RGS6: variants seen among roughly 807,000 people sequenced by gnomAD.
RGS6 encodes regulator of G-protein signaling 6.
A neutral mutation model predicts 78.5 loss-of-function variants in RGS6; 30 were observed. That is an observed-to-expected ratio of 0.38 (90% CI 0.29 to 0.52). The LOEUF (loss-of-function observed/expected upper bound fraction) is 0.52. Among genes scored for constraint, RGS6 ranks in the 20% least tolerant of loss-of-function variants. RGS6 has a pLI of 0.85. For synonymous variants in RGS6, 206 were observed against 206.0 expected, an observed-to-expected ratio of 1.00 and a Z score of 0.00; for missense variants, 495 against 609.7, an observed-to-expected ratio of 0.81 and a Z score of 1.98.
intron 17 of RGS6, among the ~76,000 whole-genome samples, chr14:72,544,889 G>A (rs556763609): frequency 2.8e-4 from 43 of 152,350 alleles, no homozygotes; most frequent in Middle Eastern, 3.4e-3. Context: ...GGTGCTGACC[G>A]GAAGTGGAGG....
At chr14:72,099,815 C>A (rs1264694216) in intron 2 of RGS6, among the ~76,000 whole-genome samples, 1 of 152,152 alleles carries the variant, frequency 6.6e-6, no homozygotes, top group Non-Finnish European at 1.5e-5. Context: ...AGTTAGTAGT[C>A]ATGGTTACTT....
At chr14:72,604,113 ACT>A in the RGS6 span, among the ~76,000 whole-genome samples, 1 of 151,800 alleles carries the variant, frequency 6.6e-6, no homozygotes, top group Non-Finnish European at 1.5e-5. Context: ...CAGGTTAAAG[ACT>A]CTGAGCCCCC....
In RGS6 at chr14:72,334,209, A is replaced by T. The variant is rs542495982; in HGVS notation, c.85-17886A>T. Among the ~76,000 whole-genome samples the T allele has an allele frequency of 2.0e-5, 3 of 152,360 alleles. No homozygotes were observed. The East Asian group carries it at 5.8e-4, about 29-fold the overall frequency. ...ATTTAATGGGGCCATCCTTCCCCAT[A>T]AGGCTCAGTGCTGCAAAGCCAGGAG... On this transcript the variant is annotated intron_variant, in intron 2 of 17. Coordinates refer to ENST00000553525, the MANE Select transcript of RGS6 (RefSeq NM_001204424.2).
At chr14:72,396,622 G>A (rs961300663) in intron 3 of RGS6, among the ~76,000 whole-genome samples, 4 of 152,108 alleles carry the variant, frequency 2.6e-5, no homozygotes, top group African/African-American at 4.8e-5. Context: ...CCTTGCCCAC[G>A]CCTATGTCCT....
the RGS6 span, among the ~76,000 whole-genome samples, chr14:71,880,287 T>C: frequency 6.6e-6 from 1 of 152,220 alleles, no homozygotes; most frequent in Non-Finnish European, 1.5e-5. Flanking sequence ...CTGACAATGC[T>C]GTAGAAAAGA....
At chr14:72,273,225 A>C (rs1181291397) in intron 2 of RGS6, among the ~76,000 whole-genome samples, 1 of 152,216 alleles carries the variant, frequency 6.6e-6, no homozygotes, top group African/African-American at 2.4e-5. Flanking sequence ...GAGAAAGTTG[A>C]TTCCGGCTTT....
intron 12 of RGS6, among the ~76,000 whole-genome samples, chr14:72,489,986 C>A (rs2153399711): frequency 6.6e-6 from 1 of 152,352 alleles, no homozygotes; most frequent in South Asian, 2.1e-4. Context: ...AGGTGCAGCA[C>A]CAACTTGTAG....
chr14:71,982,519 T>G (rs1013659653), intron 2 of RGS6, among the ~76,000 whole-genome samples: 3 of 152,200 alleles, frequency 2.0e-5, no homozygotes, highest in Admixed American at 6.5e-5. Context: ...TAGGGCTAGA[T>G]ATATTTCTAG....
chr14:72,540,755 C>T (rs1032275104), intron 17 of RGS6: 66 of 985,190 alleles, frequency 6.7e-5, no homozygotes, highest in East Asian at 1.1e-4. Context: ...GGGTACTCCC[C>T]GGGGGCAAGG....
chr14:72,233,352 G>A (rs1168445380), intron 2 of RGS6, among the ~76,000 whole-genome samples: 5 of 152,278 alleles, frequency 3.3e-5, no homozygotes, highest in African/African-American at 9.6e-5. Context: ...TTGGCCTGGA[G>A]CGTCTGTGAG....
At chr14:72,506,030 A>C (rs28534523) in intron 13 of RGS6, among the ~76,000 whole-genome samples, 2,070 of 152,338 alleles carry the variant, frequency 0.014, 42 homozygotes, top group African/African-American at 0.047. Context: ...ATAAGAATGA[A>C]GAGGCACAGA....
chr14:71,974,730 A>ATTT (rs200914671), intron 2 of RGS6, among the ~76,000 whole-genome samples: 1 of 152,100 alleles, frequency 6.6e-6, no homozygotes, highest in Non-Finnish European at 1.5e-5. Flanking sequence ...CTCAAAAGTG[A>ATTT]TTTTTTCCAT....
chr14:72,296,702 T>C (rs978894511), intron 2 of RGS6, among the ~76,000 whole-genome samples: 3 of 152,206 alleles, frequency 2.0e-5, no homozygotes, highest in African/African-American at 7.2e-5. Context: ...CTTTGTAAGA[T>C]ACAGGTCTGG....
chr14:71,894,455 A>G, the RGS6 span, among the ~76,000 whole-genome samples: 1 of 152,236 alleles, frequency 6.6e-6, no homozygotes, highest in Admixed American at 6.5e-5. Context: ...CAAGGATTGC[A>G]CCGAGGGTGG....
At chr14:72,014,518 G>C (rs969510810) in intron 2 of RGS6, among the ~76,000 whole-genome samples, 8 of 152,212 alleles carry the variant, frequency 5.3e-5, no homozygotes, top group Non-Finnish European at 1.2e-4. Flanking sequence ...CAACAACTGA[G>C]GTGGGTGATG....
intron 6 of RGS6, among the ~76,000 whole-genome samples, chr14:72,460,497 C>T (rs556765780): frequency 2.2e-4 from 34 of 152,302 alleles, no homozygotes; most frequent in Middle Eastern, 6.8e-3. Context: ...TATCCACTGA[C>T]AGTTCTGGTT....
chr14:72,262,894 G>A (rs192315751), intron 2 of RGS6, among the ~76,000 whole-genome samples: 34 of 152,140 alleles, frequency 2.2e-4, no homozygotes, highest in Non-Finnish European at 1.5e-5. Context: ...CCCCATGTTG[G>A]CCCCTCCTCA....
chr14:72,540,629 G>C (rs746615717), intron 17 of RGS6: 4 of 1,440,856 alleles, frequency 2.8e-6, no homozygotes, highest in Non-Finnish European at 3.7e-6. Context: ...TGGCGATGTG[G>C]CCTAGCTGGC....
intron 2 of RGS6, among the ~76,000 whole-genome samples, chr14:72,176,612 G>T (rs1041585294): frequency 1.4e-4 from 22 of 152,228 alleles, no homozygotes; most frequent in South Asian, 1.2e-3. Flanking sequence ...TGGGAGTCCA[G>T]TCGGCTTGGA....
Sources: gnomAD v4.1 joint callset for allele counts (sites outside exome capture counted in the v4.1 genomes callset) on GRCh38, gnomAD v4.1.1 for gene constraint, MANE v1.5 for transcripts, NCBI Gene and HGNC (gene_info 2026-07-23, HGNC 2026-07-21) for gene names.